INTS3: variants seen among roughly 807,000 people sequenced by gnomAD.
The protein encoded by INTS3 is integrator complex subunit 3, also known as SOSS complex subunit A.
Under a neutral mutation model 146.3 loss-of-function variants are expected in INTS3, and 34 were observed. The observed-to-expected ratio is 0.23, with a 90% confidence interval of 0.18 to 0.31. The LOEUF is 0.31. Among genes scored for constraint, INTS3 ranks in the 10% least tolerant of loss-of-function variants. The pLI is 1.00. For missense variants in INTS3, 757 were observed against 1,304.2 expected (o/e 0.58, Z 6.46); for synonymous variants, 475 against 494.9 (o/e 0.96, Z 0.53).
Position 153,747,266 on chromosome 1 carries a change from C to T in INTS3, c.433-13C>T, listed in dbSNP as rs2101798394. ...GTTCCTGCTCTTCATCTGTTTTTCC[C>T]TCTTTCCTTTAGTTGGTGTGGTTGG... On this transcript the variant is annotated splice_polypyrimidine_tract_variant and intron_variant, in intron 4 of 29. Transcript: ENST00000318967. The T allele has an allele frequency of 2.5e-6, 4 of 1,612,338 alleles. No individual in the cohort carries two copies. The South Asian group carries it at 3.3e-5, about 13-fold the overall frequency.
Position 153,770,747 on chromosome 1 carries a change from C to T in INTS3, c.2552+14C>T, listed in dbSNP as rs1252165589. On this transcript the variant is annotated intron_variant, in intron 25 of 29. Transcript: ENST00000318967. Reference sequence around the variant, plus strand: ...CCGAAGAGAAAAGTGAGTTCCACTTCTGGGGCTCTTTAGCCCTCAATTTTA... The same window carrying T: ...CCGAAGAGAAAAGTGAGTTCCACTTTTGGGGCTCTTTAGCCCTCAATTTTA... The T allele has an allele frequency of 6.2e-7, 1 of 1,607,742 alleles. No individual in the cohort carries two copies. Among genetic ancestry groups the T allele is most frequent in the East Asian group, 2.2e-5 (1 of 44,842 alleles).
chr1:153,767,212 G>T (rs1367632728), intron 20 of INTS3: 1 of 155,122 alleles, frequency 6.4e-6, no homozygotes, highest in Non-Finnish European at 1.4e-5. Flanking sequence ...TACCACTTGT[G>T]TTTTTGTTGT....
At position 153,760,908 on chromosome 1, in the gene INTS3, C is replaced by T. The variant is rs1206238853; in HGVS notation, c.1399C>T (p.Arg467Trp). 2 of 1,613,656 alleles carry T rather than the reference C, an allele frequency of 1.2e-6. No individual in the cohort carries two copies. Among genetic ancestry groups the T allele is most frequent in the Non-Finnish European group, 8.5e-7 (1 of 1,179,586 alleles). Residue 467 changes from arginine to tryptophan, a missense_variant, in exon 13 of 30, where the codon CGG (arginine) becomes TGG (tryptophan). Physicochemically the swap from Arg to Trp is moderately radical, Grantham distance 101. Coordinates refer to ENST00000318967, the MANE Select transcript of INTS3 (RefSeq NM_023015.5). ...FSSLNHIVEK[R>W]VLAHLAPLFD... is the part of the protein sequence containing the mutation. ...CTCCCTCAACCACATTGTGGAGAAA[C>T]GGGTCTTGGCGTAAGGAATTTGGTG... is the stretch of plus-strand genomic sequence containing the variant.
At position 153,773,006 on chromosome 1, in the gene INTS3, G is replaced by C; in HGVS notation, c.2976G>C (p.Leu992=). Residue 992 remains leucine (L), a synonymous_variant, in exon 29 of 30, where the codon CTG becomes CTC. Coordinates refer to ENST00000318967, the MANE Select transcript of INTS3 (RefSeq NM_023015.5). ...CCAAGAGCCGGCGAAAAGCAGCTCT[G>C]TCCAGCCCTCGAAGTCGAAAGAATG... ...KPPKSRRKAA[L]SSPRSRKNAT... 1 of 1,614,204 alleles carries C rather than the reference G, an allele frequency of 6.2e-7. No homozygotes were observed. The highest frequency in any genetic ancestry group is 8.5e-7 in the Non-Finnish European group (1 of 1,180,044).
At chr1:153,745,495 C>T (rs1671695786) in intron 3 of INTS3, among the ~76,000 whole-genome samples, 1 of 151,906 alleles carries the variant, frequency 6.6e-6, no homozygotes, top group African/African-American at 2.4e-5. Flanking sequence ...TTGATGCCAT[C>T]CTTGCTACTG....
At chr1:153,741,137 T>C (rs1292063976) in intron 2 of INTS3, 148 bp from the exon 3 acceptor site, 19 of 701,028 alleles carry the variant, frequency 2.7e-5, no homozygotes, top group Non-Finnish European at 4.0e-5. Context: ...TAAAAATCTC[T>C]TTTAAGAGAA....
At chr1:153,754,249 T>C (rs1360729179) in intron 8 of INTS3, among the ~76,000 whole-genome samples, 2 of 152,150 alleles carry the variant, frequency 1.3e-5, no homozygotes, top group Non-Finnish European at 2.9e-5. Context: ...TGTTTCTGAC[T>C]CCAGGGCTCA....
chr1:153,745,787 A>T (rs1671710106), intron 3 of INTS3, among the ~76,000 whole-genome samples: 1 of 152,218 alleles, frequency 6.6e-6, no homozygotes, highest in Non-Finnish European at 1.5e-5. Flanking sequence ...GCAGAAGGAA[A>T]GGGCATCACA....
intron 1 of INTS3, among the ~76,000 whole-genome samples, chr1:153,735,615 C>T (rs1469019630): frequency 3.3e-5 from 5 of 152,156 alleles, no homozygotes; most frequent in Non-Finnish European, 5.9e-5. Context: ...CCTCTGAAAC[C>T]GTTAACCTAG....
chr1:153,739,518 G>A (rs530745862), intron 1 of INTS3, among the ~76,000 whole-genome samples: 1 of 150,952 alleles, frequency 6.6e-6, no homozygotes, highest in Non-Finnish European at 1.5e-5. Flanking sequence ...AATTTTTGTA[G>A]AGACGGGGTT....
intron 5 of INTS3, 92 bp from the exon 6 acceptor site, chr1:153,748,597 G>T (rs766075883): frequency 3.0e-6 from 3 of 1,005,674 alleles, no homozygotes; most frequent in Non-Finnish European, 4.8e-6. Flanking sequence ...TGGGATGGCA[G>T]TCAGGGTGGA....
At chr1:153,756,448 TG>T (rs1184149265) in intron 9 of INTS3, among the ~76,000 whole-genome samples, 7 of 150,440 alleles carry the variant, frequency 4.7e-5, no homozygotes, top group African/African-American at 1.7e-4. Flanking sequence ...GTGGGAGGAT[TG>T]CTTGAACCCA....
Position 153,728,452 on chromosome 1 carries a change from T to A in INTS3, c.-183T>A. On this transcript the variant is annotated 5_prime_UTR_variant, in exon 1 of 30. Transcript: ENST00000318967. ...GAGTCAGGACCCAGAGGACTGTGCC[T>A]TCGCCCCCAACGCAGGCGCGGCCTT... The A allele has an allele frequency of 1.5e-6, 1 of 664,060 alleles. No individual in the cohort carries two copies. The highest frequency in any genetic ancestry group is 2.5e-6 in the Non-Finnish European group (1 of 402,986). 41.1% of individuals were successfully genotyped at this position (664,060 alleles called of 1,614,324 possible).
intron 21 of INTS3, 36 bp from the exon 22 acceptor site, chr1:153,768,857 C>A: frequency 6.5e-7 from 1 of 1,541,426 alleles, no homozygotes; most frequent in Non-Finnish European, 9.0e-7. Context: ...GCTGAGGAGC[C>A]CATCCAGGAC....
At chr1:153,754,847 A>G in intron 9 of INTS3, 108 bp downstream of exon 9, 1 of 770,110 alleles carries the variant, frequency 1.3e-6, no homozygotes, top group Non-Finnish European at 2.3e-6. Flanking sequence ...ATGGTGGCTA[A>G]ATGATCGTAC....
At chr1:153,764,062 G>T in intron 17 of INTS3, 56 bp from the exon 18 acceptor site, 1 of 1,438,440 alleles carries the variant, frequency 7.0e-7, no homozygotes, top group Non-Finnish European at 9.8e-7. Flanking sequence ...GGGATCGTGG[G>T]GGCAGGAGGG....
chr1:153,749,696 C>G (rs544097058), intron 6 of INTS3, among the ~76,000 whole-genome samples: 1 of 152,316 alleles, frequency 6.6e-6, no homozygotes, highest in Admixed American at 6.5e-5. Flanking sequence ...CTCTTCTTAC[C>G]AGATAGGTCT....
At chr1:153,753,333 C>T (rs1672033271) in intron 8 of INTS3, among the ~76,000 whole-genome samples, 1 of 151,766 alleles carries the variant, frequency 6.6e-6, no homozygotes, top group Non-Finnish European at 1.5e-5. Flanking sequence ...CCGAGGCGGG[C>T]GGATCACGGG....
intron 20 of INTS3, chr1:153,767,418 T>G (rs1008355492): frequency 7.5e-6 from 3 of 401,900 alleles, no homozygotes; most frequent in Non-Finnish European, 1.3e-5. Context: ...CTGACTCTCA[T>G]CCGGCAGTAG....
Sources: gnomAD v4.1 joint callset for allele counts (sites outside exome capture counted in the v4.1 genomes callset) on GRCh38, gnomAD v4.1.1 for gene constraint, MANE v1.5 for transcripts, NCBI Gene and HGNC (gene_info 2026-07-23, HGNC 2026-07-21) for gene names.